Variants in LRPPRC observed in about 807,000 individuals in gnomAD.
LRPPRC encodes leucine-rich PPR motif-containing protein, mitochondrial.
LRPPRC carries 120 observed loss-of-function variants against 180.3 expected under a neutral mutation model. That is an observed-to-expected ratio of 0.67 (90% CI 0.57 to 0.77). The LOEUF (loss-of-function observed/expected upper bound fraction) is 0.77, where lower values mean the gene tolerates loss of function less well. Among genes scored for constraint, LRPPRC ranks in the 30% least tolerant of loss-of-function variants. The pLI is 0.00. For missense variants in LRPPRC, 2,012 were observed against 1,657.2 expected, an observed-to-expected ratio of 1.21 and a Z score of -3.72; for synonymous variants, 723 against 600.0, an observed-to-expected ratio of 1.21 and a Z score of -3.00.
At chr2:43,970,185 T>G (rs968440064) in intron 11 of LRPPRC, among the ~76,000 whole-genome samples, 3 of 152,228 alleles carry the variant, frequency 2.0e-5, no homozygotes, top group Non-Finnish European at 2.9e-5. Flanking sequence ...TTCATTCTCT[T>G]AGTTCTTCAT....
intron 30 of LRPPRC, among the ~76,000 whole-genome samples, chr2:43,911,416 A>C (rs940491903): frequency 6.6e-6 from 1 of 152,096 alleles, no homozygotes; most frequent in African/African-American, 2.4e-5. Flanking sequence ...TGTGATGTGA[A>C]AGGATGGCAG....
At chr2:43,982,935 T>G (rs1021637255) in intron 1 of LRPPRC, among the ~76,000 whole-genome samples, 1 of 151,348 alleles carries the variant, frequency 6.6e-6, no homozygotes, top group African/African-American at 2.5e-5. Context: ...ATGCAGGGTT[T>G]TTTTTTTTAA....
chr2:43,974,780 A>G (rs368484212), intron 7 of LRPPRC, 22 bp from the exon 8 acceptor site: 15 of 1,609,994 alleles, frequency 9.3e-6, no homozygotes, highest in Non-Finnish European at 1.3e-5. Flanking sequence ...TCCAGAAATT[A>G]GAAGACAAAG....
Position 43,888,570 on chromosome 2 carries a change from A to T in LRPPRC, c.*30T>A, listed in dbSNP as rs773737683. Reference sequence around the variant, plus strand: ...AACATGTAGACACAGAATCACAAATATATACAAAACAAAGTATCGCCTGGT... The same window carrying T: ...AACATGTAGACACAGAATCACAAATTTATACAAAACAAAGTATCGCCTGGT... On this transcript the variant is annotated 3_prime_UTR_variant, in exon 38 of 38. Transcript: ENST00000260665. 1 of 1,361,678 alleles carries T rather than the reference A, an allele frequency of 7.3e-7. No individual in the cohort carries two copies. Among genetic ancestry groups the T allele is most frequent in the South Asian group, 1.2e-5 (1 of 85,642 alleles). 84.3% of individuals were successfully genotyped at this position (1,361,678 alleles called of 1,614,324 possible).
chr2:43,950,544 T>A, intron 15 of LRPPRC, 29 bp downstream of exon 15: 1 of 1,592,648 alleles, frequency 6.3e-7, no homozygotes, highest in Non-Finnish European at 8.6e-7. Flanking sequence ...TAAAAGCACC[T>A]TATGATTTGC....
At chr2:43,913,024 A>G (rs1671319908) in intron 29 of LRPPRC, among the ~76,000 whole-genome samples, 1 of 152,184 alleles carries the variant, frequency 6.6e-6, no homozygotes, top group Admixed American at 6.5e-5. Flanking sequence ...ACAATGGTTA[A>G]CATTTCAGCA....
intron 27 of LRPPRC, among the ~76,000 whole-genome samples, chr2:43,919,249 C>T (rs1053798898): frequency 7.2e-5 from 11 of 152,152 alleles, no homozygotes; most frequent in Non-Finnish European, 1.5e-4. Context: ...CCCCATCCCC[C>T]ACCACAACCT....
chr2:43,975,040 C>G (rs1559043036), intron 7 of LRPPRC, 51 bp downstream of exon 7: 4 of 1,587,512 alleles, frequency 2.5e-6, no homozygotes, highest in East Asian at 2.2e-5. Flanking sequence ...AAACATAACA[C>G]AAATTTTTAC....
At chr2:43,936,074 ACT>A (rs1399110559) in intron 23 of LRPPRC, among the ~76,000 whole-genome samples, 2 of 151,682 alleles carry the variant, frequency 1.3e-5, no homozygotes, top group African/African-American at 4.8e-5. Context: ...CAAAAGTGAA[ACT>A]CTGTTTCAAA....
intron 4 of LRPPRC, 28 bp from the exon 5 acceptor site, chr2:43,977,080 T>C: frequency 1.2e-6 from 2 of 1,610,744 alleles, no homozygotes; most frequent in Non-Finnish European, 1.7e-6. Context: ...CAGTTAATTT[T>C]AAATATACTT....
intron 1 of LRPPRC, among the ~76,000 whole-genome samples, chr2:43,988,026 T>G (rs554391260): frequency 9.5e-4 from 144 of 152,142 alleles, no homozygotes; most frequent in African/African-American, 3.3e-3. Context: ...GGCAGATCAC[T>G]TGAAGTCCGT....
Position 43,888,217 on chromosome 2 carries a change from G to A in LRPPRC, c.*383C>T, listed in dbSNP as rs529783501. On this transcript the variant is annotated 3_prime_UTR_variant, in exon 38 of 38. Transcript: ENST00000260665. ...AATATTATGCGTTAGAAAGTTCACG[G>A]TCACTATACCTAGCTCTAAAATTTT... The A allele has an allele frequency of 5.9e-5, 15 of 253,128 alleles. No individual in the cohort carries two copies. The highest frequency in any genetic ancestry group is 1.2e-4 in the Non-Finnish European group (15 of 130,254). 15.7% of individuals were successfully genotyped at this position (253,128 alleles called of 1,614,324 possible).
intron 11 of LRPPRC, among the ~76,000 whole-genome samples, chr2:43,967,663 C>T (rs1673621401): frequency 6.6e-6 from 1 of 152,134 alleles, no homozygotes; most frequent in Non-Finnish European, 1.5e-5. Context: ...CACTACACTC[C>T]AGCCTGGACA....
chr2:43,919,012 G>T (rs554071741), intron 27 of LRPPRC, among the ~76,000 whole-genome samples: 2 of 152,152 alleles, frequency 1.3e-5, no homozygotes, highest in East Asian at 3.9e-4. Context: ...ACTGGTCCGT[G>T]GTCTGTTAGG....
In LRPPRC at chr2:43,947,308, T is replaced by C. The variant is rs1309745023; in HGVS notation, c.2028A>G (p.Gln676=). The stretch of plus-strand genomic sequence containing the variant: ...GTTGCTTTAGGACATCTCTTATAGG[T>C]TGATTTTCAGCTTTTAGTGTTTCAA... The part of the protein sequence containing the change: ...STLETLKAEN[Q]PIRDVLKQLI... Residue 676 remains glutamine (Q), a synonymous_variant, in exon 20 of 38, where the codon CAA becomes CAG. Coordinates refer to ENST00000260665, the MANE Select transcript of LRPPRC (RefSeq NM_133259.4). The C allele has an allele frequency of 6.2e-6, 10 of 1,606,946 alleles. No homozygotes were observed. The highest frequency in any genetic ancestry group is 1.7e-4 in the Middle Eastern group (1 of 6,058).
chr2:43,957,618 A>G (rs184648592), intron 13 of LRPPRC, among the ~76,000 whole-genome samples, 167 bp from the exon 14 acceptor site: 2 of 152,258 alleles, frequency 1.3e-5, no homozygotes, highest in African/African-American at 4.8e-5. Context: ...GCAGTAATAT[A>G]TATCTGCAAT....
intron 27 of LRPPRC, among the ~76,000 whole-genome samples, chr2:43,920,520 A>G (rs550437193): frequency 1.3e-5 from 2 of 152,300 alleles, no homozygotes; most frequent in South Asian, 4.1e-4. Flanking sequence ...TTTTATACAT[A>G]TACTGATAAA....
Position 43,995,432 on chromosome 2 carries a change from G to A in LRPPRC, c.149+367C>T, listed in dbSNP as rs138604736. Among the ~76,000 whole-genome samples the A allele has an allele frequency of 6.0e-3, 912 of 152,270 alleles. 9 individuals are homozygous for A. The highest frequency in any genetic ancestry group is 0.021 in the African/African-American group (868 of 41,552). The stretch of plus-strand genomic sequence containing the variant: ...CTGATCACCAACGGTGACCGCACGT[G>A]GGACACCACCCAAGCTGGCCAAGTG... On this transcript the variant is annotated intron_variant, in intron 1 of 37. Transcript: ENST00000260665.
At chr2:43,920,369 CA>C (rs1671656311) in intron 27 of LRPPRC, among the ~76,000 whole-genome samples, 1 of 152,196 alleles carries the variant, frequency 6.6e-6, no homozygotes, top group Non-Finnish European at 1.5e-5. Context: ...CCCCTGACCT[CA>C]AGCAATTCAC....
Sources: gnomAD v4.1 joint callset for allele counts (sites outside exome capture counted in the v4.1 genomes callset) on GRCh38, gnomAD v4.1.1 for gene constraint, MANE v1.5 for transcripts, NCBI Gene and HGNC (gene_info 2026-07-23, HGNC 2026-07-21) for gene names.